SIPA1L1: variants seen among roughly 807,000 people sequenced by gnomAD.
SIPA1L1 encodes signal induced proliferation associated 1 like 1.
A neutral mutation model predicts 162.7 loss-of-function variants in SIPA1L1; 26 were observed. The observed-to-expected ratio is 0.16, with a 90% CI of 0.12 to 0.22. SIPA1L1 has a LOEUF of 0.22. Among genes scored for constraint, SIPA1L1 ranks in the 10% least tolerant of loss-of-function variants. The pLI is 1.00. For synonymous variants in SIPA1L1, 829 were observed against 837.4 expected (o/e 0.99, Z 0.17); for missense variants, 1,874 against 2,241.0 (o/e 0.84, Z 3.31).
intron 4 of SIPA1L1, among the ~76,000 whole-genome samples, chr14:71,544,014 T>G (rs926864904): frequency 6.7e-6 from 1 of 148,300 alleles, no homozygotes; most frequent in African/African-American, 2.6e-5. Context: ...CATGTATATA[T>G]ACACATACGC....
At chr14:71,407,862 T>TTTTTG (rs1304782151) in intron 2 of SIPA1L1, among the ~76,000 whole-genome samples, 6 of 152,148 alleles carry the variant, frequency 3.9e-5, no homozygotes, top group African/African-American at 9.7e-5. Flanking sequence ...TTAGCAGGAT[T>TTTTTG]TTTTGTTTTG....
chr14:71,360,497 A>C (rs1052940097), intron 2 of SIPA1L1, among the ~76,000 whole-genome samples: 1 of 152,192 alleles, frequency 6.6e-6, no homozygotes, highest in Non-Finnish European at 1.5e-5. Flanking sequence ...TCAATAGGAG[A>C]CGAATGTACA....
At chr14:71,606,541 T>C (rs1039856805) in intron 5 of SIPA1L1, among the ~76,000 whole-genome samples, 2 of 152,134 alleles carry the variant, frequency 1.3e-5, no homozygotes, top group African/African-American at 4.8e-5. Context: ...GTTGGACCAA[T>C]TGTGGGCTTC....
chr14:71,736,596 T>G (rs555991779), intron 22 of SIPA1L1, among the ~76,000 whole-genome samples: 9 of 152,198 alleles, frequency 5.9e-5, no homozygotes, highest in African/African-American at 2.2e-4. Flanking sequence ...TCATTTGTTA[T>G]GAGTATAGGA....
intron 2 of SIPA1L1, among the ~76,000 whole-genome samples, chr14:71,361,600 A>G (rs2037821352): frequency 6.6e-6 from 1 of 152,156 alleles, no homozygotes; most frequent in Non-Finnish European, 1.5e-5. Context: ...CTGGTGGCCT[A>G]TCAAGGGCCT....
At chr14:71,551,547 T>C (rs1438431946) in intron 4 of SIPA1L1, among the ~76,000 whole-genome samples, 1 of 152,214 alleles carries the variant, frequency 6.6e-6, no homozygotes, top group Non-Finnish European at 1.5e-5. Context: ...CTACCAAAAG[T>C]GTCCAACTCT....
chr14:71,439,423 A>G (rs889550252), intron 2 of SIPA1L1, among the ~76,000 whole-genome samples: 16 of 152,224 alleles, frequency 1.1e-4, no homozygotes, highest in African/African-American at 3.9e-4. Context: ...TAGAAAACAG[A>G]TGTTTTAATG....
chr14:71,329,422 T>G (rs1050366509), intron 2 of SIPA1L1, among the ~76,000 whole-genome samples: 2 of 149,030 alleles, frequency 1.3e-5, no homozygotes, highest in South Asian at 2.1e-4. Context: ...TATTTTCTGT[T>G]TTTTTTTTTT....
At chr14:71,611,436 G>A (rs1450867386) in intron 5 of SIPA1L1, among the ~76,000 whole-genome samples, 1 of 151,638 alleles carries the variant, frequency 6.6e-6, no homozygotes, top group East Asian at 1.9e-4. Flanking sequence ...GGATACATGT[G>A]CAGGACGTGC....
chr14:71,428,605 G>A (rs2043757978), intron 2 of SIPA1L1, among the ~76,000 whole-genome samples: 1 of 152,128 alleles, frequency 6.6e-6, no homozygotes, highest in Admixed American at 6.5e-5. Flanking sequence ...AAAATTGAAT[G>A]GGGGTTGGGG....
rs553592566 is a variant in SIPA1L1, at chr14:71,547,772, G to A, written c.-303+18402G>A. ...CCCTTTCCTTAAATAACAGATGCTCGTGAGCTGCACTTCAAGATTCCTGTC... is the reference window on the plus strand; with the variant it reads ...CCCTTTCCTTAAATAACAGATGCTCATGAGCTGCACTTCAAGATTCCTGTC... On this transcript the variant is annotated intron_variant, in intron 4 of 23. Coordinates refer to ENST00000381232, the MANE Select transcript of SIPA1L1 (RefSeq NM_001386936.1). 2.3e-3 allele frequency among the ~76,000 whole-genome samples: 344 copies of A among 152,202 alleles called. 1 individual carries two copies. Among genetic ancestry groups the A allele is most frequent in the Non-Finnish European group, 3.2e-3 (216 of 68,016 alleles).
chr14:71,320,866 G>A (rs962276556), intron 1 of SIPA1L1, among the ~76,000 whole-genome samples: 4 of 151,954 alleles, frequency 2.6e-5, no homozygotes, highest in Non-Finnish European at 5.9e-5. Context: ...CTAGACAATA[G>A]TTGATGCCCA....
At chr14:71,624,878 TA>T (rs978989464) in intron 7 of SIPA1L1, among the ~76,000 whole-genome samples, 2 of 152,206 alleles carry the variant, frequency 1.3e-5, no homozygotes, top group Non-Finnish European at 2.9e-5. Context: ...CCAAGATTTT[TA>T]AATATAAAAA....
chr14:71,641,717 C>T (rs959469075), intron 7 of SIPA1L1, among the ~76,000 whole-genome samples: 13 of 152,086 alleles, frequency 8.5e-5, no homozygotes, highest in African/African-American at 1.2e-4. Context: ...AGCGAGACTC[C>T]GTCTCAAAAA....
chr14:71,608,367 C>T (rs1206775392), intron 5 of SIPA1L1, among the ~76,000 whole-genome samples: 4 of 152,144 alleles, frequency 2.6e-5, no homozygotes, highest in African/African-American at 9.7e-5. Context: ...AGACATCTTG[C>T]TGCAATATCC....
chr14:71,610,456 T>G (rs2038078174), intron 5 of SIPA1L1, among the ~76,000 whole-genome samples: 1 of 152,244 alleles, frequency 6.6e-6, no homozygotes, highest in Non-Finnish European at 1.5e-5. Context: ...TTCTCTTAAC[T>G]ACTATGAATA....
chr14:71,726,078 CT>C (rs1389713580), intron 19 of SIPA1L1, among the ~76,000 whole-genome samples: 1 of 152,136 alleles, frequency 6.6e-6, no homozygotes, highest in East Asian at 1.9e-4. Context: ...GATAAACCCC[CT>C]AAACCTAAAA....
Position 71,705,430 on chromosome 14 carries a change from G to A in SIPA1L1, c.3765+90G>A, listed in dbSNP as rs1366807812. 7.4e-6 allele frequency: 7 copies of A among 942,312 alleles called. No individual in the cohort carries two copies. In the East Asian group the frequency reaches 1.4e-4, roughly 19 times the overall value. 58.4% of individuals were successfully genotyped at this position (942,312 alleles called of 1,614,324 possible). ...AAATGCTCTGCTCTTTCCTCTGCAT[G>A]GCCAAAGAGGAAATCATTCTGGCAA... On this transcript the variant is annotated intron_variant, in intron 16 of 23. Transcript: ENST00000381232.
At chr14:71,467,159 G>T (rs1229991083) in intron 2 of SIPA1L1, 1 of 152,156 alleles carries the variant, frequency 6.6e-6, no homozygotes, top group Admixed American at 6.5e-5. Flanking sequence ...TCGCTGGGGA[G>T]TTCTGTGAGC....
Sources: gnomAD v4.1 joint callset for allele counts (sites outside exome capture counted in the v4.1 genomes callset) on GRCh38, gnomAD v4.1.1 for gene constraint, MANE v1.5 for transcripts, NCBI Gene and HGNC (gene_info 2026-07-23, HGNC 2026-07-21) for gene names.